TMPRSS11B: variants seen among roughly 807,000 people sequenced by gnomAD.
TMPRSS11B encodes transmembrane protease serine 11B.
Under a neutral mutation model 44.7 loss-of-function variants are expected in TMPRSS11B, and 53 were observed. The observed-to-expected ratio is 1.19, with a 90% CI of 0.95 to 1.49. The LOEUF (loss-of-function observed/expected upper bound fraction) is 1.49. Among genes scored for constraint, TMPRSS11B ranks in the 40% most tolerant of loss-of-function variants. TMPRSS11B has a pLI of 0.00. For synonymous variants in TMPRSS11B, 140 were observed against 159.2 expected (o/e 0.88, Z 0.91); for missense variants, 526 against 494.8 (o/e 1.06, Z -0.60).
At chr4:68,231,075 A>G in intron 7 of TMPRSS11B, 128 bp downstream of exon 7, 3 of 737,944 alleles carry the variant, frequency 4.1e-6, no homozygotes, top group Non-Finnish European at 5.9e-6. Context: ...AGGTGATTGT[A>G]AATGTTCTAT....
chr4:68,229,263 T>C lies in TMPRSS11B; in HGVS notation c.940A>G (p.Met314Val), dbSNP rs143338080. 6.5e-5 allele frequency: 104 copies of C among 1,599,680 alleles called. No homozygotes were observed. The highest frequency in any genetic ancestry group is 8.4e-5 in the Non-Finnish European group (98 of 1,173,512). The change falls in exon 8 of 10, where the codon ATG becomes GTG. Residue 314 changes from methionine to valine, a missense_variant. Transcript: ENST00000332644. The stretch of plus-strand genomic sequence containing the variant: ...ATTTTACAAAAAAACTTACCATTCA[T>C]ATAAAGTGTTCCCCAACCTGTAACT... ...VVVTGWGTLY[M>V]NGSFPVILQE...
At chr4:68,242,468 C>G (rs1719888326) in intron 1 of TMPRSS11B, among the ~76,000 whole-genome samples, 2 of 132,308 alleles carry the variant, frequency 1.5e-5, no homozygotes, top group Admixed American at 1.8e-4. Flanking sequence ...GATGGAAATA[C>G]CATGATGTCA....
chr4:68,241,841 T>A (rs756201573), intron 1 of TMPRSS11B, 37 bp from the exon 2 acceptor site: 23 of 1,268,644 alleles, frequency 1.8e-5, no homozygotes, highest in Non-Finnish European at 2.1e-5. Flanking sequence ...AATCAGATAA[T>A]AACAATCAAA....
intron 5 of TMPRSS11B, 119 bp from the exon 6 acceptor site, chr4:68,232,535 T>C: frequency 1.2e-6 from 1 of 868,792 alleles, no homozygotes; most frequent in Non-Finnish European, 1.8e-6. Context: ...ATTTAACTAT[T>C]TGGAGTAGTT....
chr4:68,229,417 A>G lies in TMPRSS11B; in HGVS notation c.786T>C (p.Tyr262=). Reference sequence around the variant, plus strand: ...TATCATCATGAAGCCCAGGACTGCTATAATTTTCATGAAAAATAATGTTTT... The same window carrying G: ...TATCATCATGAAGCCCAGGACTGCTGTAATTTTCATGAAAAATAATGTTTT... ...KVQNIIFHEN[Y]SSPGLHDDIA... The change falls in exon 8 of 10, where the codon TAT becomes TAC. Residue 262 remains tyrosine (Y), a synonymous_variant. Coordinates refer to ENST00000332644, the MANE Select transcript of TMPRSS11B (RefSeq NM_182502.3). The G allele has an allele frequency of 1.9e-6, 3 of 1,614,074 alleles. No individual in the cohort carries two copies. The East Asian group carries it at 6.7e-5, about 36-fold the overall frequency.
At chr4:68,231,406 GA>G (rs779119866) in intron 6 of TMPRSS11B, 26 bp from the exon 7 acceptor site, 2 of 1,566,504 alleles carry the variant, frequency 1.3e-6, no homozygotes, top group African/African-American at 2.8e-5. Context: ...ATTTACACGA[GA>G]GCAGGTATCT....
rs1201451954 is a variant in TMPRSS11B, at chr4:68,228,024, G to A, written c.1138C>T (p.His380Tyr). 2 of 1,613,568 alleles carry A rather than the reference G, an allele frequency of 1.2e-6. No homozygotes were observed. Among genetic ancestry groups the A allele is most frequent in the East Asian group, 2.2e-5 (1 of 44,838 alleles). ...LAYPDSRNIW[H>Y]LVGIVSWGDG... The stretch of plus-strand genomic sequence containing the variant: ...CCCCAGCTTACTATTCCAACAAGAT[G>A]CCAGATATTTCTGGAATCAGGGTAA... Residue 380 changes from histidine (H) to tyrosine (Y), a missense_variant, in exon 10 of 10, where the codon CAT becomes TAT. Physicochemically the swap from His to Tyr is moderately conservative, Grantham distance 83 (BLOSUM62 2). Coordinates refer to ENST00000332644, the MANE Select transcript of TMPRSS11B (RefSeq NM_182502.3).
intron 4 of TMPRSS11B, 82 bp from the exon 5 acceptor site, chr4:68,234,705 A>C: frequency 2.1e-6 from 3 of 1,410,648 alleles, no homozygotes; most frequent in Non-Finnish European, 1.9e-6. Context: ...CACACATTTT[A>C]ATTATCACAT....
intron 4 of TMPRSS11B, among the ~76,000 whole-genome samples, chr4:68,235,435 C>G (rs922311399): frequency 6.6e-6 from 1 of 152,222 alleles, no homozygotes; most frequent in Admixed American, 6.5e-5. Flanking sequence ...CAAGTGGGCT[C>G]TACCCTCATT....
At position 68,236,212 on chromosome 4, in the gene TMPRSS11B, T is replaced by C; in HGVS notation, c.179A>G (p.Asp60Gly). The C allele has an allele frequency of 2.5e-6, 4 of 1,612,846 alleles. No individual in the cohort carries two copies. Among genetic ancestry groups the C allele is most frequent in the Non-Finnish European group, 3.4e-6 (4 of 1,179,412 alleles). ...TTGTGAAGCTGCGTTTTCACAATTATCATTGTATGTGACTCCAGAAATATG... is the reference window on the plus strand; with the variant it reads ...TTGTGAAGCTGCGTTTTCACAATTACCATTGTATGTGACTCCAGAAATATG... ...DFHISGVTYN[D>G]NCENAASQAS... The change falls in exon 3 of 10, where the codon GAT becomes GGT. Residue 60 changes from aspartate (D) to glycine (G), a missense_variant. Transcript: ENST00000332644.
chr4:68,245,612 G>T lies in TMPRSS11B; in HGVS notation c.-54C>A. On this transcript the variant is annotated 5_prime_UTR_variant, in exon 1 of 10. Transcript: ENST00000332644. ...GTATAACGGTGGTAATGATGATGACGAAGATAACGATAACGATGACAATGC... is the reference window on the plus strand; with the variant it reads ...GTATAACGGTGGTAATGATGATGACTAAGATAACGATAACGATGACAATGC... The T allele has an allele frequency of 1.3e-6, 2 of 1,593,660 alleles. No homozygotes were observed. The highest frequency in any genetic ancestry group is 1.1e-5 in the South Asian group (1 of 90,264).
At chr4:68,232,978 T>G (rs1415961125) in intron 5 of TMPRSS11B, among the ~76,000 whole-genome samples, 1 of 152,012 alleles carries the variant, frequency 6.6e-6, no homozygotes, top group Non-Finnish European at 1.5e-5. Context: ...CAATTAAAAT[T>G]ATACTTCACT....
chr4:68,231,267 G>A lies in TMPRSS11B; in HGVS notation c.622C>T (p.His208Tyr), dbSNP rs200090972. Residue 208 changes from histidine to tyrosine, a missense_variant, in exon 7 of 10, where the codon CAC becomes TAC. Physicochemically the swap from His to Tyr is moderately conservative, Grantham distance 83. Transcript: ENST00000332644. ...WQASMQWKGR[H>Y]YCGASLISSR... ...CTGATCAGAGAGGCTCCACAGTAGT[G>A]ACGGCCTTTCCATTGCATGCTGGCC... 3.1e-6 allele frequency: 5 copies of A among 1,613,780 alleles called. No homozygotes were observed. In the South Asian group the frequency reaches 4.4e-5, roughly 14 times the overall value.
intron 1 of TMPRSS11B, 74 bp downstream of exon 1, chr4:68,245,476 CA>C: frequency 1.3e-6 from 2 of 1,511,394 alleles, no homozygotes; most frequent in South Asian, 1.1e-5. Flanking sequence ...AGTCAATTAA[CA>C]AAAAACTAGA....
chr4:68,234,814 G>A (rs1225914320), intron 4 of TMPRSS11B, among the ~76,000 whole-genome samples, 191 bp from the exon 5 acceptor site: 1 of 152,130 alleles, frequency 6.6e-6, no homozygotes, highest in Non-Finnish European at 1.5e-5. Flanking sequence ...TAGTTCAGAT[G>A]TGCTATTCAT....
chr4:68,234,474 AT>A lies in TMPRSS11B; in HGVS notation c.457del (p.Ile153LeufsTer23), dbSNP rs1719605748. The A allele has an allele frequency of 1.2e-6, 2 of 1,613,632 alleles. No homozygotes were observed. The highest frequency in any genetic ancestry group is 1.7e-6 in the Non-Finnish European group (2 of 1,179,874). ...AATAAGTCAAATACCCATGAGTTTA[AT>A]GGAAGCAGGAACTGCATTCCAGGAT... Reference protein sequence around the residue: ...MASWNAVPASIKLMEISKAAS... With the variant: ...MASWNAVPASXKLMEISKAAS... On this transcript the variant is annotated frameshift_variant, in exon 5 of 10. Transcript: ENST00000332644. LOFTEE classifies it high-confidence loss of function.
In TMPRSS11B at chr4:68,241,800, C is replaced by A. The variant is rs372608893; in HGVS notation, c.13G>T (p.Gly5Cys). The A allele has an allele frequency of 3.7e-6, 6 of 1,610,336 alleles. No homozygotes were observed. In the South Asian group the frequency reaches 6.6e-5, roughly 18 times the overall value. ...GGCCAAGATCTTTGGGAAGATATGC[C>A]GTGCCTATGAAAGAGGAAAATTTTG... MYRH[G>C]ISSQRSWPLW... Residue 5 changes from glycine to cysteine, a missense_variant, in exon 2 of 10, where the codon GGC (glycine) becomes TGC (cysteine). Transcript: ENST00000332644.
At chr4:68,229,612 C>G in intron 7 of TMPRSS11B, 96 bp from the exon 8 acceptor site, 2 of 1,142,882 alleles carry the variant, frequency 1.7e-6, no homozygotes, top group African/African-American at 3.1e-5. Context: ...ATGAGGTTCC[C>G]AAACAAAACT....
chr4:68,242,283 ATT>A (rs1719863617), intron 1 of TMPRSS11B, among the ~76,000 whole-genome samples: 1 of 79,846 alleles, frequency 1.3e-5, no homozygotes, highest in Non-Finnish European at 2.2e-5. Context: ...TATTATATAT[ATT>A]ATATTATACA....
Sources: allele counts gnomAD v4.1 joint callset (sites outside exome capture counted in the v4.1 genomes callset), GRCh38; gene constraint gnomAD v4.1.1; transcripts MANE v1.5; gene names NCBI Gene and HGNC (gene_info 2026-07-23, HGNC 2026-07-21).